The following RPS6KC1 variants were observed in gnomAD, a reference collection of about 807,000 sequenced individuals.
The protein encoded by RPS6KC1 is inactive ribosomal protein S6 kinase delta-1.
Under a neutral mutation model 103.8 loss-of-function variants are expected in RPS6KC1, and 54 were observed. The ratio of observed to expected loss-of-function variants is 0.52; its 90% confidence interval spans 0.42 to 0.65. The LOEUF (loss-of-function observed/expected upper bound fraction) is 0.65. RPS6KC1 is among the 30% of genes least tolerant of loss of function. The pLI, the probability that RPS6KC1 is intolerant of heterozygous loss-of-function variation, is 0.00. For synonymous variants in RPS6KC1, 439 were observed against 438.7 expected (o/e 1.00, Z -0.01); for missense variants, 1,151 against 1,253.8 (o/e 0.92, Z 1.24).
chr1:213,718,766 G>T, the RPS6KC1 span, among the ~76,000 whole-genome samples: 2 of 152,206 alleles, frequency 1.3e-5, no homozygotes, highest in African/African-American at 4.8e-5. Context: ...GGGAGGAGGT[G>T]CTTCTCTGAT....
the RPS6KC1 span, among the ~76,000 whole-genome samples, chr1:213,689,790 G>C: frequency 6.6e-6 from 1 of 152,210 alleles, no homozygotes; most frequent in African/African-American, 2.4e-5. Flanking sequence ...CAGGTCCTAG[G>C]ACTGCATTTT....
chr1:213,628,032 G>T, the RPS6KC1 span, among the ~76,000 whole-genome samples: 1 of 152,122 alleles, frequency 6.6e-6, no homozygotes, highest in African/African-American at 2.4e-5. Context: ...GGTAGAATTC[G>T]GCTGTGAATC....
chr1:213,143,282 G>C (rs2149103015), intron 6 of RPS6KC1, among the ~76,000 whole-genome samples: 1 of 151,954 alleles, frequency 6.6e-6, no homozygotes, highest in East Asian at 1.9e-4. Context: ...TTGTAGAAGT[G>C]TTTATAGTGT....
the RPS6KC1 span, among the ~76,000 whole-genome samples, chr1:213,400,487 G>T: frequency 6.6e-6 from 1 of 152,122 alleles, no homozygotes; most frequent in African/African-American, 2.4e-5. Flanking sequence ...GGATCATCCA[G>T]CTTAATCTGT....
intron 3 of RPS6KC1, among the ~76,000 whole-genome samples, chr1:213,101,388 C>G (rs2082005891): frequency 6.6e-6 from 1 of 151,968 alleles, no homozygotes; most frequent in Admixed American, 6.6e-5. Context: ...ATGCATAACC[C>G]TTTATTTTTG....
At chr1:213,357,326 G>T in the RPS6KC1 span, among the ~76,000 whole-genome samples, 1 of 152,084 alleles carries the variant, frequency 6.6e-6, no homozygotes, top group Non-Finnish European at 1.5e-5. Flanking sequence ...TGTCCTGCCA[G>T]CTTTTCTCAG....
the RPS6KC1 span, among the ~76,000 whole-genome samples, chr1:213,713,796 G>A: frequency 6.6e-6 from 1 of 152,136 alleles, no homozygotes; most frequent in East Asian, 1.9e-4. Context: ...CACCAGAACT[G>A]TTTACCTTAG....
chr1:213,471,753 T>A, the RPS6KC1 span, among the ~76,000 whole-genome samples: 1 of 152,154 alleles, frequency 6.6e-6, no homozygotes, highest in Non-Finnish European at 1.5e-5. Flanking sequence ...CTTCATTTTT[T>A]TTTTTTTTGG....
the RPS6KC1 span, among the ~76,000 whole-genome samples, chr1:213,551,549 T>C: frequency 1.3e-5 from 2 of 152,196 alleles, no homozygotes; most frequent in Non-Finnish European, 2.9e-5. Context: ...TATATATATG[T>C]ATTTGTTAGA....
the RPS6KC1 span, among the ~76,000 whole-genome samples, chr1:213,434,920 G>GT: frequency 6.6e-6 from 1 of 152,004 alleles, no homozygotes; most frequent in Non-Finnish European, 1.5e-5. Flanking sequence ...TGGGTTTATG[G>GT]TTTTTATCAA....
chr1:213,642,039 G>T, the RPS6KC1 span, among the ~76,000 whole-genome samples: 1 of 151,916 alleles, frequency 6.6e-6, no homozygotes, highest in African/African-American at 2.4e-5. Flanking sequence ...AGAAATATAA[G>T]AATTTACCCC....
chr1:213,850,697 G>A, the RPS6KC1 span, among the ~76,000 whole-genome samples: 15 of 151,832 alleles, frequency 9.9e-5, no homozygotes, highest in Non-Finnish European at 1.5e-4. Context: ...CAATGACATT[G>A]ATTTATATCC....
the RPS6KC1 span, among the ~76,000 whole-genome samples, chr1:213,702,368 A>G: frequency 3.9e-5 from 6 of 151,982 alleles, no homozygotes; most frequent in East Asian, 1.2e-3. Context: ...TCTATGTGCT[A>G]AGGAAAAGAA....
chr1:213,140,455 A>G (rs1002723888), intron 6 of RPS6KC1, among the ~76,000 whole-genome samples: 1 of 152,004 alleles, frequency 6.6e-6, no homozygotes, highest in Non-Finnish European at 1.5e-5. Context: ...TCCATTCTGT[A>G]TGATGTTGGC....
the RPS6KC1 span, among the ~76,000 whole-genome samples, chr1:213,359,267 T>C: frequency 6.6e-6 from 1 of 152,244 alleles, no homozygotes; most frequent in African/African-American, 2.4e-5. Context: ...ATATTTAGGA[T>C]AGTTAGCTCT....
At chr1:213,137,752 G>GCGCGCTCTCTCTCTCT (rs1553340080) in intron 6 of RPS6KC1, among the ~76,000 whole-genome samples, 1 of 12,206 alleles carries the variant, frequency 8.2e-5, no homozygotes, top group African/African-American at 1.8e-4. Context: ...AGTCCAGTTT[G>GCGCGCTCTCTCTCTCT]CTCTCTCTCT....
At chr1:213,664,713 A>AT in the RPS6KC1 span, among the ~76,000 whole-genome samples, 1 of 152,218 alleles carries the variant, frequency 6.6e-6, no homozygotes. Context: ...TCCATGTTGC[A>AT]TGGCCTCCTT....
chr1:213,636,416 A>G, the RPS6KC1 span, among the ~76,000 whole-genome samples: 1 of 152,156 alleles, frequency 6.6e-6, no homozygotes, highest in Non-Finnish European at 1.5e-5. Flanking sequence ...CCAAAACAGT[A>G]TATATAGACC....
chr1:213,425,226 G>C, the RPS6KC1 span, among the ~76,000 whole-genome samples: 1 of 152,054 alleles, frequency 6.6e-6, no homozygotes, highest in Non-Finnish European at 1.5e-5. Flanking sequence ...ACAAAAGCAC[G>C]CAATTATTAC....
Sources: gnomAD v4.1 joint callset for allele counts (sites outside exome capture counted in the v4.1 genomes callset) on GRCh38, gnomAD v4.1.1 for gene constraint, MANE v1.5 for transcripts, NCBI Gene and HGNC (gene_info 2026-07-23, HGNC 2026-07-21) for gene names.